Variants in FAM184B observed in about 807,000 individuals in gnomAD.
FAM184B encodes the protein family with sequence similarity 184 member B.
A neutral mutation model predicts 135.9 loss-of-function variants in FAM184B; 111 were observed. That is an observed-to-expected ratio of 0.82 (90% CI 0.70 to 0.96). The LOEUF (loss-of-function observed/expected upper bound fraction) is 0.96. FAM184B is among the 40% of genes least tolerant of loss of function. The pLI is 0.00. For synonymous variants in FAM184B, 552 were observed against 524.8 expected (o/e 1.05, Z -0.71); for missense variants, 1,375 against 1,323.9 (o/e 1.04, Z -0.60).
In FAM184B at chr4:17,631,061, A is replaced by G. The variant is rs1014621701; in HGVS notation, c.*1471T>C. ...TGTCAAATCACATTGCTCTGTCAGA[A>G]GGTAAGACAAATCAGTGTGGACTGA... is the stretch of plus-strand genomic sequence containing the variant. On this transcript the variant is annotated 3_prime_UTR_variant, in exon 18 of 18. Transcript: ENST00000265018. 1 of 152,226 alleles carries G rather than the reference A, an allele frequency of 6.6e-6. No homozygotes were observed. The highest frequency in any genetic ancestry group is 2.4e-5 in the African/African-American group (1 of 41,448). 9.4% of individuals were successfully genotyped at this position (152,226 alleles called of 1,614,324 possible). A position where few individuals can be genotyped will look rare whatever the true frequency, so the allele number is the denominator to read the frequency against.
At chr4:17,759,780 G>C (rs1718502266) in intron 1 of FAM184B, among the ~76,000 whole-genome samples, 1 of 152,152 alleles carries the variant, frequency 6.6e-6, no homozygotes, top group African/African-American at 2.4e-5. Context: ...ACAGGTGTGA[G>C]CCACCACACC....
At chr4:17,708,465 C>T (rs939512566) in intron 2 of FAM184B, among the ~76,000 whole-genome samples, 1 of 151,062 alleles carries the variant, frequency 6.6e-6, no homozygotes, top group African/African-American at 2.4e-5. Flanking sequence ...GCCAACATGG[C>T]GAGATCCTGT....
intron 1 of FAM184B, among the ~76,000 whole-genome samples, chr4:17,758,195 A>T (rs1316812462): frequency 6.6e-6 from 1 of 152,228 alleles, no homozygotes; most frequent in Admixed American, 6.5e-5. Flanking sequence ...AAGGAATATA[A>T]AGGACTCAAA....
intron 7 of FAM184B, among the ~76,000 whole-genome samples, chr4:17,671,864 A>T (rs2108948093): frequency 6.6e-6 from 1 of 151,954 alleles, no homozygotes; most frequent in East Asian, 2.0e-4. Context: ...AATTCACTAG[A>T]GGAATTTAAT....
chr4:17,771,879 A>G (rs1357698422), intron 1 of FAM184B, among the ~76,000 whole-genome samples: 2 of 152,264 alleles, frequency 1.3e-5, no homozygotes, highest in Admixed American at 1.3e-4. Context: ...GTGTTGGGTT[A>G]TAAGTGACTT....
At chr4:17,693,910 G>A (rs532346002) in intron 5 of FAM184B, among the ~76,000 whole-genome samples, 3 of 151,682 alleles carry the variant, frequency 2.0e-5, no homozygotes, top group Non-Finnish European at 2.9e-5. Context: ...CCGGGGGTTC[G>A]AGACCAGCCC....
At chr4:17,704,907 G>C (rs113462120) in intron 5 of FAM184B, 93 bp downstream of exon 5, 1 of 1,113,752 alleles carries the variant, frequency 9.0e-7, no homozygotes, top group African/African-American at 1.6e-5. Flanking sequence ...CTCAGTAAAT[G>C]TTTGAGGAAG....
chr4:17,646,289 C>T (rs34851635), intron 12 of FAM184B, among the ~76,000 whole-genome samples: 75,660 of 149,266 alleles, frequency 0.51, 22,236 homozygotes, highest in East Asian at 0.88. Context: ...CGTATGTTTA[C>T]TGCAACACTA....
intron 13 of FAM184B, among the ~76,000 whole-genome samples, chr4:17,640,626 G>A (rs1715283695): frequency 6.6e-6 from 1 of 152,026 alleles, no homozygotes; most frequent in South Asian, 2.1e-4. Context: ...AAAAAATTAT[G>A]AGCAATTTTA....
At chr4:17,684,486 A>G (rs947350303) in intron 7 of FAM184B, among the ~76,000 whole-genome samples, 16 of 152,222 alleles carry the variant, frequency 1.1e-4, no homozygotes, top group African/African-American at 3.1e-4. Context: ...AGAACAAACA[A>G]TATCTGCAAA....
intron 1 of FAM184B, among the ~76,000 whole-genome samples, chr4:17,713,338 T>C (rs1442904789): frequency 6.6e-6 from 1 of 152,198 alleles, no homozygotes; most frequent in Non-Finnish European, 1.5e-5. Context: ...GGAAGTCCCC[T>C]TGTCCTTCCA....
intron 7 of FAM184B, among the ~76,000 whole-genome samples, chr4:17,684,647 G>A (rs1023375868): frequency 3.3e-5 from 5 of 152,202 alleles, no homozygotes; most frequent in Non-Finnish European, 5.9e-5. Flanking sequence ...CAGAATGAAT[G>A]AATAACGTGC....
intron 6 of FAM184B, among the ~76,000 whole-genome samples, chr4:17,690,410 C>T (rs906377337): frequency 2.6e-5 from 4 of 152,206 alleles, no homozygotes; most frequent in Admixed American, 2.0e-4. Context: ...AAGTGAGGTT[C>T]GGCCCAAATT....
chr4:17,755,068 C>T (rs773110502), intron 1 of FAM184B, among the ~76,000 whole-genome samples: 1 of 151,954 alleles, frequency 6.6e-6, no homozygotes, highest in Non-Finnish European at 1.5e-5. Context: ...GCTGTGTTTC[C>T]CAGGCTGAGT....
intron 1 of FAM184B, among the ~76,000 whole-genome samples, chr4:17,731,140 A>G (rs1717766070): frequency 6.6e-6 from 1 of 152,190 alleles, no homozygotes; most frequent in South Asian, 2.1e-4. Context: ...AGATTTTGTC[A>G]CCACCAGGTC....
rs368263511 is a variant in FAM184B, at chr4:17,633,807, C to T, written c.2971G>A (p.Asp991Asn). Residue 991 changes from aspartate to asparagine, a missense_variant, in exon 17 of 18, where the codon GAT (aspartate) becomes AAT (asparagine). Asp to Asn is a conservative substitution (Grantham distance 23). Transcript: ENST00000265018. Reference protein sequence around the residue: ...ASYAKNFLSGDLSSRINAPPI... With the variant: ...ASYAKNFLSGNLSSRINAPPI... Reference sequence around the variant, plus strand: ...GGGGCATTAATCCTGGAACTCAGATCGCCACTCAGAAAGTTCTTTGCATAG... The same window carrying T: ...GGGGCATTAATCCTGGAACTCAGATTGCCACTCAGAAAGTTCTTTGCATAG... 1.5e-5 allele frequency: 24 copies of T among 1,551,452 alleles called. No homozygotes were observed. The highest frequency in any genetic ancestry group is 7.8e-5 in the Admixed American group (4 of 50,972).
Position 17,688,642 on chromosome 4 carries a change from C to T in FAM184B, c.1489-111G>A, listed in dbSNP as rs1368515314. 9 of 626,832 alleles carry T rather than the reference C, an allele frequency of 1.4e-5. No individual in the cohort carries two copies. In the Admixed American group the frequency reaches 2.6e-4, roughly 18 times the overall value. 38.8% of individuals were successfully genotyped at this position (626,832 alleles called of 1,614,324 possible). A position where few individuals can be genotyped will look rare whatever the true frequency, so the allele number is the denominator to read the frequency against. On this transcript the variant is annotated intron_variant, in intron 6 of 17. Transcript: ENST00000265018. ...GGGTCAGTCTGTTCTGGGGAGAGTG[C>T]CCCATTAGACAAATTCTACACACAC...
intron 5 of FAM184B, among the ~76,000 whole-genome samples, chr4:17,694,411 T>A (rs1485936552): frequency 6.6e-6 from 1 of 151,716 alleles, no homozygotes; most frequent in African/African-American, 2.4e-5. Context: ...TAGTCCCAGC[T>A]ACTCGGGAGG....
intron 7 of FAM184B, among the ~76,000 whole-genome samples, chr4:17,683,162 AT>A (rs1324702755): frequency 6.6e-6 from 1 of 151,848 alleles, no homozygotes; most frequent in Non-Finnish European, 1.5e-5. Flanking sequence ...ACTACATTAC[AT>A]TTTTTTTCTA....
Sources: gnomAD v4.1 joint callset for allele counts (sites outside exome capture counted in the v4.1 genomes callset) on GRCh38, gnomAD v4.1.1 for gene constraint, MANE v1.5 for transcripts, NCBI Gene and HGNC (gene_info 2026-07-23, HGNC 2026-07-21) for gene names.